Variants in PLXDC2 observed in about 807,000 individuals in gnomAD.
PLXDC2 encodes plexin domain-containing protein 2.
PLXDC2 carries 40 observed loss-of-function variants against 68.9 expected under a neutral mutation model. The observed-to-expected ratio is 0.58, with a 90% CI of 0.45 to 0.76. PLXDC2 has a LOEUF of 0.76. Among genes scored for constraint, PLXDC2 ranks in the 30% least tolerant of loss-of-function variants. PLXDC2 has a pLI of 0.00. For missense variants in PLXDC2, 644 were observed against 661.9 expected (o/e 0.97, Z 0.30); for synonymous variants, 243 against 234.2 (o/e 1.04, Z -0.34).
intron 7 of PLXDC2, among the ~76,000 whole-genome samples, chr10:20,165,447 G>A (rs1446100234): frequency 6.7e-6 from 1 of 149,872 alleles, no homozygotes; most frequent in Non-Finnish European, 1.5e-5. Flanking sequence ...CCCCACAACA[G>A]TCCCCAGAGT....
intron 1 of PLXDC2, among the ~76,000 whole-genome samples, chr10:19,850,281 T>A (rs1837088978): frequency 6.7e-6 from 1 of 150,126 alleles, no homozygotes; most frequent in Admixed American, 6.6e-5. Flanking sequence ...CTGATAGGTT[T>A]TTTTTTTTTT....
chr10:20,136,792 A>G (rs574817542), intron 4 of PLXDC2, among the ~76,000 whole-genome samples: 103 of 152,370 alleles, frequency 6.8e-4, no homozygotes, highest in South Asian at 3.7e-3. Flanking sequence ...TTTTGGGTCC[A>G]AAATATTAAC....
intron 1 of PLXDC2, among the ~76,000 whole-genome samples, chr10:19,977,236 G>C (rs1459197554): frequency 6.6e-6 from 1 of 152,166 alleles, no homozygotes; most frequent in African/African-American, 2.4e-5. Context: ...TTGTGCTGGG[G>C]AGATTCTGGG....
intron 1 of PLXDC2, among the ~76,000 whole-genome samples, chr10:19,851,140 A>G (rs1837110206): frequency 6.6e-6 from 1 of 152,058 alleles, no homozygotes; most frequent in Non-Finnish European, 1.5e-5. Flanking sequence ...GGTTTTGGAC[A>G]TAGATGGGGA....
At chr10:20,173,587 A>G (rs1440825490) in intron 7 of PLXDC2, among the ~76,000 whole-genome samples, 2 of 152,164 alleles carry the variant, frequency 1.3e-5, no homozygotes, top group Non-Finnish European at 2.9e-5. Flanking sequence ...TAAGCTTTCG[A>G]TCACATTTTC....
intron 12 of PLXDC2, among the ~76,000 whole-genome samples, chr10:20,231,701 T>A (rs982623746): frequency 1.4e-4 from 21 of 152,136 alleles, no homozygotes; most frequent in East Asian, 5.8e-4. Context: ...TGGATTTTTT[T>A]AAAAATTATA....
rs746983214 is a variant in PLXDC2, at chr10:20,177,008, G to A, written c.893G>A (p.Arg298Lys). 6.3e-7 allele frequency: 1 copy of A among 1,599,990 alleles called. No homozygotes were observed. The highest frequency in any genetic ancestry group is 8.5e-7 in the Non-Finnish European group (1 of 1,174,574). ...TTCCTTTTTTTTCTAGATGTTCGAA[G>A]AAGAACAATTTATGAATACCACCGA... Reference protein sequence around the residue: ...HRIQQIPNVRRRTIYEYHRVE... With the variant: ...HRIQQIPNVRKRTIYEYHRVE... Residue 298 changes from arginine (R) to lysine (K), a missense_variant, in exon 8 of 14, where the codon AGA (arginine) becomes AAA (lysine). Physicochemically the swap from Arg to Lys is conservative, Grantham distance 26. Coordinates refer to ENST00000377252, the MANE Select transcript of PLXDC2 (RefSeq NM_032812.9).
chr10:20,089,725 A>C (rs1833251166), intron 4 of PLXDC2, among the ~76,000 whole-genome samples: 1 of 152,198 alleles, frequency 6.6e-6, no homozygotes, highest in South Asian at 2.1e-4. Context: ...GAAAGACTAC[A>C]AAGGAAGCAT....
chr10:19,877,701 C>G (rs1564616772), intron 1 of PLXDC2, among the ~76,000 whole-genome samples: 2 of 152,252 alleles, frequency 1.3e-5, no homozygotes, highest in Admixed American at 6.5e-5. Context: ...AAACTACTCT[C>G]TCGGCCTGGC....
intron 6 of PLXDC2, among the ~76,000 whole-genome samples, chr10:20,150,255 T>C (rs1272243608): frequency 6.6e-6 from 1 of 152,220 alleles, no homozygotes; most frequent in Non-Finnish European, 1.5e-5. Flanking sequence ...CAGTTTTTTG[T>C]TTCAATAGGT....
At chr10:19,850,108 C>A (rs185392047) in intron 1 of PLXDC2, among the ~76,000 whole-genome samples, 28 of 152,274 alleles carry the variant, frequency 1.8e-4, no homozygotes, top group African/African-American at 6.5e-4. Flanking sequence ...ACTTTGCACC[C>A]TCTAAAGAGA....
At chr10:19,996,059 G>A in intron 1 of PLXDC2, among the ~76,000 whole-genome samples, 1 of 152,290 alleles carries the variant, frequency 6.6e-6, no homozygotes, top group Middle Eastern at 3.4e-3. Context: ...GTCATTCGAG[G>A]CTTGTCAGAA....
At chr10:20,195,620 T>A (rs1564349443) in intron 9 of PLXDC2, among the ~76,000 whole-genome samples, 1 of 151,238 alleles carries the variant, frequency 6.6e-6, no homozygotes, top group African/African-American at 2.5e-5. Context: ...TTTATCCATC[T>A]CTCTGTAATT....
chr10:20,245,972 GT>G (rs1835589646), intron 13 of PLXDC2, among the ~76,000 whole-genome samples: 1 of 152,122 alleles, frequency 6.6e-6, no homozygotes, highest in Non-Finnish European at 1.5e-5. Context: ...AAAAAATATG[GT>G]TTTCACCACA....
chr10:20,226,742 T>C (rs991364332), intron 12 of PLXDC2, among the ~76,000 whole-genome samples: 1 of 152,110 alleles, frequency 6.6e-6, no homozygotes, highest in Non-Finnish European at 1.5e-5. Flanking sequence ...TTCCACAAAG[T>C]AGCTCTAAAT....
intron 13 of PLXDC2, among the ~76,000 whole-genome samples, chr10:20,267,204 GATAA>G (rs1431603113): frequency 2.6e-5 from 4 of 152,286 alleles, no homozygotes; most frequent in East Asian, 3.9e-4. Flanking sequence ...TGGTGTGATT[GATAA>G]ATAAATATTC....
At chr10:19,857,661 G>A (rs949050662) in intron 1 of PLXDC2, among the ~76,000 whole-genome samples, 5 of 152,166 alleles carry the variant, frequency 3.3e-5, no homozygotes, top group Non-Finnish European at 7.4e-5. Flanking sequence ...GAAGCAAATT[G>A]CATCATGGCG....
At chr10:19,921,789 T>C (rs1833465199) in intron 1 of PLXDC2, among the ~76,000 whole-genome samples, 1 of 152,226 alleles carries the variant, frequency 6.6e-6, no homozygotes, top group Admixed American at 6.5e-5. Context: ...GCATTCCATG[T>C]GCCAAGCCCA....
chr10:20,193,735 T>C (rs1046913879), intron 9 of PLXDC2, among the ~76,000 whole-genome samples: 10 of 152,086 alleles, frequency 6.6e-5, no homozygotes, highest in African/African-American at 2.4e-4. Context: ...TAAGATGACA[T>C]TAAGTGTATT....
Sources: gnomAD v4.1 joint callset for allele counts (sites outside exome capture counted in the v4.1 genomes callset) on GRCh38, gnomAD v4.1.1 for gene constraint, MANE v1.5 for transcripts, NCBI Gene and HGNC (gene_info 2026-07-23, HGNC 2026-07-21) for gene names.